Variants in POU6F2 observed in about 807,000 individuals in gnomAD.
The protein encoded by POU6F2 is POU domain, class 6, transcription factor 2.
POU6F2 carries 31 observed loss-of-function variants against 71.3 expected under a neutral mutation model. The observed-to-expected ratio is 0.43, with a 90% CI of 0.33 to 0.59. POU6F2 has a LOEUF of 0.59. Among genes scored for constraint, POU6F2 ranks in the 20% least tolerant of loss-of-function variants. POU6F2 has a pLI of 0.04. For missense variants in POU6F2, 783 were observed against 856.8 expected, an observed-to-expected ratio of 0.91 and a Z score of 1.07; for synonymous variants, 347 against 355.7, an observed-to-expected ratio of 0.98 and a Z score of 0.27.
At chr7:39,180,162 G>T (rs954235510) in intron 2 of POU6F2, among the ~76,000 whole-genome samples, 1 of 152,186 alleles carries the variant, frequency 6.6e-6, no homozygotes, top group Non-Finnish European at 1.5e-5. Flanking sequence ...GCTAATGGAG[G>T]AAACAGCACA....
intron 1 of POU6F2, among the ~76,000 whole-genome samples, chr7:38,994,450 T>C (rs1238574457): frequency 6.6e-6 from 1 of 151,986 alleles, no homozygotes; most frequent in African/African-American, 2.4e-5. Context: ...AGGACAAAGG[T>C]GCAAATGAGG....
At chr7:39,372,446 A>G (rs1341371361) in intron 5 of POU6F2, among the ~76,000 whole-genome samples, 2 of 152,204 alleles carry the variant, frequency 1.3e-5, no homozygotes, top group Non-Finnish European at 2.9e-5. Flanking sequence ...GAGGCTCTCA[A>G]GTCCAAAATC....
chr7:39,298,169 C>G (rs1160913040), intron 4 of POU6F2, among the ~76,000 whole-genome samples: 1 of 152,160 alleles, frequency 6.6e-6, no homozygotes, highest in African/African-American at 2.4e-5. Flanking sequence ...CAAATGGGAT[C>G]TAACTAAACT....
chr7:39,180,046 G>C (rs544547907), intron 2 of POU6F2, among the ~76,000 whole-genome samples: 2 of 152,312 alleles, frequency 1.3e-5, no homozygotes, highest in South Asian at 4.1e-4. Context: ...TGGACTGGGG[G>C]ACATTTGACT....
At chr7:39,397,403 A>G (rs1787195640) in intron 5 of POU6F2, among the ~76,000 whole-genome samples, 1 of 148,440 alleles carries the variant, frequency 6.7e-6, no homozygotes, top group African/African-American at 2.5e-5. Context: ...AAATATATAT[A>G]TAGACAAAAA....
intron 1 of POU6F2, among the ~76,000 whole-genome samples, chr7:39,069,700 A>G (rs1215190072): frequency 6.6e-6 from 1 of 152,252 alleles, no homozygotes; most frequent in Non-Finnish European, 1.5e-5. Context: ...ATTACAATAA[A>G]GTAAGCTAGA....
chr7:39,207,019 A>G (rs182204628), intron 3 of POU6F2, among the ~76,000 whole-genome samples: 20 of 152,320 alleles, frequency 1.3e-4, no homozygotes, highest in Non-Finnish European at 2.8e-4. Context: ...TTTTTGAATC[A>G]AAAAATCCCA....
chr7:39,077,615 A>G (rs1465789377), intron 1 of POU6F2, among the ~76,000 whole-genome samples: 1 of 152,182 alleles, frequency 6.6e-6, no homozygotes. Flanking sequence ...GTGGATACTG[A>G]CAGGAGAGGA....
At chr7:38,980,341 G>A (rs1384060073) in intron 1 of POU6F2, among the ~76,000 whole-genome samples, 1 of 152,116 alleles carries the variant, frequency 6.6e-6, no homozygotes, top group Non-Finnish European at 1.5e-5. Flanking sequence ...TATTTAAAAG[G>A]AAAGAAGAAT....
chr7:39,429,117 A>AT (rs770301513), intron 6 of POU6F2, among the ~76,000 whole-genome samples: 2 of 42,492 alleles, frequency 4.7e-5, no homozygotes, highest in South Asian at 8.7e-4. Flanking sequence ...CATAATAATA[A>AT]TAAAAAAAAA....
rs12701689 is a variant in POU6F2, at chr7:39,015,586, T to A, written c.105+37528T>A. 7.8e-3 allele frequency among the ~76,000 whole-genome samples: 387 copies of A among 49,340 alleles called. 2 individuals are homozygous for A. Among genetic ancestry groups the A allele is most frequent in the Non-Finnish European group, 0.011 (256 of 23,020 alleles). The allele number at this position is 49,340 out of a possible 152,430, so 32.4% of individuals were successfully genotyped here. ...TCTACATTATAGATATATCTATGTT[T>A]TATATAGATATATCTATGTTTTATA... On this transcript the variant is annotated intron_variant, in intron 1 of 9. Transcript: ENST00000518318.
chr7:39,410,094 T>A (rs1419187150), intron 6 of POU6F2, among the ~76,000 whole-genome samples: 1 of 152,178 alleles, frequency 6.6e-6, no homozygotes, highest in Non-Finnish European at 1.5e-5. Context: ...ATGCCTATAA[T>A]CCCAGCACTG....
At chr7:39,264,973 A>G (rs1056701570) in intron 4 of POU6F2, among the ~76,000 whole-genome samples, 1 of 152,188 alleles carries the variant, frequency 6.6e-6, no homozygotes, top group Admixed American at 6.5e-5. Context: ...GCATGGTCAG[A>G]GAAGGATTAT....
At chr7:39,100,459 G>T (rs564302469) in intron 2 of POU6F2, among the ~76,000 whole-genome samples, 2 of 152,262 alleles carry the variant, frequency 1.3e-5, no homozygotes, top group Non-Finnish European at 2.9e-5. Context: ...TTCTGTTGTT[G>T]TTGTTGTTGC....
intron 1 of POU6F2, among the ~76,000 whole-genome samples, chr7:39,080,463 T>G (rs12535553): frequency 4.4e-4 from 67 of 152,288 alleles, no homozygotes; most frequent in Admixed American, 2.4e-3. Context: ...TGTAGGTAAT[T>G]TGTTTCTATC....
chr7:39,324,616 C>G (rs1785472513), intron 4 of POU6F2, among the ~76,000 whole-genome samples: 1 of 152,170 alleles, frequency 6.6e-6, no homozygotes, highest in African/African-American at 2.4e-5. Flanking sequence ...CTATTTGCCC[C>G]TTTTGTCCAC....
chr7:39,372,556 A>G (rs1786636258), intron 5 of POU6F2, among the ~76,000 whole-genome samples: 1 of 152,212 alleles, frequency 6.6e-6, no homozygotes, highest in Non-Finnish European at 1.5e-5. Flanking sequence ...CAAGCCTTCA[A>G]CTGATTGGAT....
chr7:38,999,932 C>T (rs1406893185), intron 1 of POU6F2, among the ~76,000 whole-genome samples: 1 of 152,136 alleles, frequency 6.6e-6, no homozygotes, highest in Non-Finnish European at 1.5e-5. Flanking sequence ...TGTCTCATGC[C>T]ACCAAAGATG....
At chr7:39,379,690 A>T (rs563854283) in intron 5 of POU6F2, among the ~76,000 whole-genome samples, 50 of 146,726 alleles carry the variant, frequency 3.4e-4, no homozygotes, top group Non-Finnish European at 2.2e-4. Context: ...TTTTTCTTTT[A>T]AAAAAAAATT....
Sources: allele counts gnomAD v4.1 joint callset (sites outside exome capture counted in the v4.1 genomes callset), GRCh38; gene constraint gnomAD v4.1.1; transcripts MANE v1.5; gene names NCBI Gene and HGNC (gene_info 2026-07-23, HGNC 2026-07-21).